Variants in STK35 observed in about 807,000 individuals in gnomAD.
STK35 encodes the protein serine/threonine kinase 35.
Under a neutral mutation model 37.3 loss-of-function variants are expected in STK35, and 17 were observed. The observed-to-expected ratio is 0.46, with a 90% CI of 0.31 to 0.68. STK35 has a LOEUF of 0.68. STK35 is among the 30% of genes least tolerant of loss of function. The probability of loss-of-function intolerance (pLI) is 0.05; values close to 1 mark genes in which losing one functional copy is unlikely to be tolerated. For missense variants in STK35, 595 were observed against 746.7 expected (o/e 0.80, Z 2.37); for synonymous variants, 385 against 319.1 (o/e 1.21, Z -2.20).
intron 2 of STK35, among the ~76,000 whole-genome samples, chr20:2,103,716 A>G (rs1365256332): frequency 6.6e-6 from 1 of 152,158 alleles, no homozygotes; most frequent in African/African-American, 2.4e-5. Flanking sequence ...TAGTAGCAGA[A>G]CTGCGGAGCC....
At chr20:2,134,355 C>G (rs906793578) in intron 3 of STK35, among the ~76,000 whole-genome samples, 6 of 151,944 alleles carry the variant, frequency 3.9e-5, no homozygotes, top group African/African-American at 1.5e-4. Flanking sequence ...AGAAAGGGCT[C>G]TGGTGCATTG....
intron 2 of STK35, among the ~76,000 whole-genome samples, chr20:2,113,522 G>A (rs1292700564): frequency 3.3e-5 from 5 of 152,184 alleles, no homozygotes; most frequent in Admixed American, 3.3e-4. Flanking sequence ...CTTCAAATAG[G>A]AATAGCCTGG....
intron 3 of STK35, among the ~76,000 whole-genome samples, chr20:2,138,377 G>A (rs558244950): frequency 1.3e-5 from 2 of 152,276 alleles, no homozygotes; most frequent in Admixed American, 1.3e-4. Context: ...CTTACTGAAT[G>A]CCCCACCCTG....
chr20:2,105,558 ACAAAACATGGAG>A (rs1157867566), intron 2 of STK35, among the ~76,000 whole-genome samples: 1 of 152,214 alleles, frequency 6.6e-6, no homozygotes, highest in Non-Finnish European at 1.5e-5. Flanking sequence ...GACTGACTGC[ACAAAACATGGAG>A]CAAATTGTTT....
At chr20:2,139,980 G>A (rs1308262659) in intron 3 of STK35, among the ~76,000 whole-genome samples, 3 of 152,232 alleles carry the variant, frequency 2.0e-5, no homozygotes, top group Non-Finnish European at 2.9e-5. Flanking sequence ...ACTGATTGAA[G>A]ACTATCATAG....
At chr20:2,125,379 T>C (rs1422266100) in intron 3 of STK35, among the ~76,000 whole-genome samples, 1 of 152,180 alleles carries the variant, frequency 6.6e-6, no homozygotes, top group East Asian at 1.9e-4. Context: ...ATCATCTGCT[T>C]AGCTATTCTG....
At chr20:2,113,443 G>A (rs1350077964) in intron 2 of STK35, among the ~76,000 whole-genome samples, 1 of 152,220 alleles carries the variant, frequency 6.6e-6, no homozygotes, top group Non-Finnish European at 1.5e-5. Context: ...GTTGCAGCTA[G>A]CCTTAAGGTG....
At position 2,116,697 on chromosome 20, in the gene STK35, C is replaced by T; in HGVS notation, c.924C>T (p.Pro308=). 1 of 1,614,120 alleles carries T rather than the reference C, an allele frequency of 6.2e-7. No homozygotes were observed. Among genetic ancestry groups the T allele is most frequent in the South Asian group, 1.1e-5 (1 of 91,080 alleles). The change falls in exon 3 of 4, where the codon CCC becomes CCT. Residue 308 remains proline, a synonymous_variant. Coordinates refer to ENST00000381482, the MANE Select transcript of STK35 (RefSeq NM_080836.4). ...GERILGYAEE[P]CYLWFVMEFC... ...GGATCCTGGGTTATGCTGAGGAGCCCTGCTATCTCTGGTTTGTCATGGAGT... is the reference window on the plus strand; with the variant it reads ...GGATCCTGGGTTATGCTGAGGAGCCTTGCTATCTCTGGTTTGTCATGGAGT...
intron 3 of STK35, among the ~76,000 whole-genome samples, chr20:2,136,907 G>C (rs558586394): frequency 6.6e-6 from 1 of 152,314 alleles, no homozygotes; most frequent in African/African-American, 2.4e-5. Flanking sequence ...CTCTGGGAGT[G>C]TTTCCTGGGG....
intron 2 of STK35, among the ~76,000 whole-genome samples, chr20:2,114,183 C>T (rs1326042507): frequency 2.0e-5 from 3 of 152,154 alleles, no homozygotes; most frequent in South Asian, 2.1e-4. Flanking sequence ...CCCGGGAGTT[C>T]GTGTGTGAAA....
rs1467831606 is a variant in STK35 at position 2,143,866 on chromosome 20, G to A, written c.*120G>A. 4 of 444,316 alleles carry A rather than the reference G, an allele frequency of 9.0e-6. No individual in the cohort carries two copies. Among genetic ancestry groups the A allele is most frequent in the African/African-American group, 4.1e-5 (2 of 49,074 alleles). 27.5% of individuals were successfully genotyped at this position (444,316 alleles called of 1,614,324 possible). ...ACAGGTGGTGGCCTGGCCGGTTGGC[G>A]ATCTCCCGACAGCTGGATCCGGCAA... is the stretch of plus-strand genomic sequence containing the variant. On this transcript the variant is annotated 3_prime_UTR_variant, in exon 4 of 4. Transcript: ENST00000381482.
At chr20:2,142,365 C>T (rs1600624313) in intron 3 of STK35, among the ~76,000 whole-genome samples, 1 of 152,268 alleles carries the variant, frequency 6.6e-6, no homozygotes, top group Non-Finnish European at 1.5e-5. Flanking sequence ...CAGGTCCCTT[C>T]CCAGGAGCTG....
Position 2,101,907 on chromosome 20 carries a change from C to T in STK35, c.26C>T (p.Ala9Val). ...ATGGGCCACCAGGAGTCTCCGCTGG[C>T]CCGGGCGCCGGCGGGAGGTGCAGCT... MGHQESPL[A>V]RAPAGGAAYV... The change falls in exon 1 of 4, where the codon GCC (alanine) becomes GTC (valine). Residue 9 changes from alanine (A) to valine (V), a missense_variant. Around this residue, in one of 3 missense-constraint regions of STK35, gnomAD observed 389 missense variants for 320.0 expected, o/e 1.22. Transcript: ENST00000381482. The T allele has an allele frequency of 6.8e-7, 1 of 1,461,040 alleles. No individual in the cohort carries two copies. Among genetic ancestry groups the T allele is most frequent in the Non-Finnish European group, 9.1e-7 (1 of 1,102,544 alleles). 90.5% of individuals were successfully genotyped at this position (1,461,040 alleles called of 1,614,324 possible). A position where few individuals can be genotyped will look rare whatever the true frequency, so the allele number is the denominator to read the frequency against.
chr20:2,142,556 G>A (rs1402994638), intron 3 of STK35, among the ~76,000 whole-genome samples: 2 of 152,186 alleles, frequency 1.3e-5, no homozygotes, highest in Non-Finnish European at 2.9e-5. Context: ...AGGAGTTCAA[G>A]ACCAGCCTGG....
rs1190069376 is a variant in STK35 at position 2,101,912 on chromosome 20, G to A, written c.31G>A (p.Ala11Thr). The A allele has an allele frequency of 1.5e-5, 22 of 1,464,400 alleles. No individual in the cohort carries two copies. The highest frequency in any genetic ancestry group is 2.2e-5 in the Admixed American group (1 of 45,596). 90.7% of individuals were successfully genotyped at this position (1,464,400 alleles called of 1,614,324 possible). MGHQESPLAR[A>T]PAGGAAYVKR... ...CCACCAGGAGTCTCCGCTGGCCCGG[G>A]CGCCGGCGGGAGGTGCAGCTTATGT... Residue 11 changes from alanine (A) to threonine (T), a missense_variant, in exon 1 of 4, where the codon GCG (alanine) becomes ACG (threonine). Coordinates refer to ENST00000381482, the MANE Select transcript of STK35 (RefSeq NM_080836.4).
intron 3 of STK35, among the ~76,000 whole-genome samples, chr20:2,126,298 A>C (rs1226717755): frequency 1.3e-5 from 2 of 152,218 alleles, no homozygotes; most frequent in Non-Finnish European, 1.5e-5. Flanking sequence ...TTAATAATGC[A>C]GATGAGATAT....
Position 2,106,270 on chromosome 20 carries a change from C to G in STK35, c.892+2905C>G, listed in dbSNP as rs530500876. ...AGCTGGAAGGAATCGTAGAGATAAC[C>G]TGGTTCAGCTCTCTCATTAAATAGA... On this transcript the variant is annotated intron_variant, in intron 2 of 3. Coordinates refer to ENST00000381482, the MANE Select transcript of STK35 (RefSeq NM_080836.4). Among the ~76,000 whole-genome samples, 24 of 152,226 alleles carry G rather than the reference C, an allele frequency of 1.6e-4. No homozygotes were observed. In the East Asian group the frequency reaches 4.2e-3, roughly 27 times the overall value.
At chr20:2,123,554 T>C (rs1435645098) in intron 3 of STK35, among the ~76,000 whole-genome samples, 1 of 152,160 alleles carries the variant, frequency 6.6e-6, no homozygotes, top group Non-Finnish European at 1.5e-5. Context: ...AGAAGCCCAA[T>C]TCAATGACCA....
At chr20:2,102,740 G>A (rs1282527647) in intron 1 of STK35, 28 bp from the exon 2 acceptor site, 1 of 1,393,132 alleles carries the variant, frequency 7.2e-7, no homozygotes, top group Admixed American at 2.8e-5. Flanking sequence ...CCTTGGCCTG[G>A]CCGTTTAACC....
Sources: gnomAD v4.1 joint callset for allele counts (sites outside exome capture counted in the v4.1 genomes callset) on GRCh38, gnomAD v4.1.1 for gene constraint, gnomAD v4.1.1 regional missense constraint, MANE v1.5 for transcripts, NCBI Gene and HGNC (gene_info 2026-07-23, HGNC 2026-07-21) for gene names.